The following DENND2B variants were observed in gnomAD, a reference collection of about 807,000 sequenced individuals.
DENND2B encodes DENN domain containing 2B.
A neutral mutation model predicts 116.0 loss-of-function variants in DENND2B; 32 were observed. That is an observed-to-expected ratio of 0.28 (90% CI 0.21 to 0.37). The LOEUF (loss-of-function observed/expected upper bound fraction) is 0.37, where lower values mean the gene tolerates loss of function less well. Among genes scored for constraint, DENND2B ranks in the 10% least tolerant of loss-of-function variants. The pLI, the probability that DENND2B is intolerant of heterozygous loss-of-function variation, is 1.00. For missense variants in DENND2B, 1,276 were observed against 1,477.7 expected (o/e 0.86, Z 2.24); for synonymous variants, 588 against 583.9 (o/e 1.01, Z -0.10).
chr11:8,861,186 T>G (rs2063378468), intron 2 of DENND2B, among the ~76,000 whole-genome samples: 1 of 151,938 alleles, frequency 6.6e-6, no homozygotes, highest in African/African-American at 2.4e-5. Flanking sequence ...AATAAATAAA[T>G]GGGAACTAAT....
Position 8,906,007 on chromosome 11 carries a change from A to G in DENND2B, c.-256+4814T>C, listed in dbSNP as rs111665214. ...ACAGCAAGCAGAAGACTGGTCACCTAGGACCAGAGGCAGGAGCTGAGAACT... is the reference window on the plus strand; with the variant it reads ...ACAGCAAGCAGAAGACTGGTCACCTGGGACCAGAGGCAGGAGCTGAGAACT... On this transcript the variant is annotated intron_variant, in intron 1 of 22. Transcript: ENST00000534127. Among the ~76,000 whole-genome samples the G allele has an allele frequency of 7.4e-4, 112 of 151,544 alleles. 1 individual carries two copies. Among genetic ancestry groups the G allele is most frequent in the African/African-American group, 2.6e-3 (108 of 41,306 alleles).
chr11:8,901,618 A>G (rs2064172716), intron 1 of DENND2B, among the ~76,000 whole-genome samples: 1 of 152,038 alleles, frequency 6.6e-6, no homozygotes, highest in South Asian at 2.1e-4. Flanking sequence ...CTTCCCTCTA[A>G]TCACAGTTTT....
Position 8,702,434 on chromosome 11 carries a change from T to A in DENND2B, c.2720+138A>T. The A allele has an allele frequency of 7.9e-7, 1 of 1,261,644 alleles. No homozygotes were observed. Among genetic ancestry groups the A allele is most frequent in the Non-Finnish European group, 1.1e-6 (1 of 918,546 alleles). 78.2% of individuals were successfully genotyped at this position (1,261,644 alleles called of 1,614,324 possible). On this transcript the variant is annotated intron_variant, in intron 14 of 19. Transcript: ENST00000313726. This position sits in a 1 kb window ranked among gnomAD's most constrained non-coding sequence, Gnocchi z 4.6. ...CACACAGGGGTGCTACCTTTCCACCTAGTCTTCCATCTCCCTACGCACAGC... is the reference window on the plus strand; with the variant it reads ...CACACAGGGGTGCTACCTTTCCACCAAGTCTTCCATCTCCCTACGCACAGC...
At chr11:8,721,247 GCTCCCACTCCTCCCCACAAC>G (rs1236610282) in intron 4 of DENND2B, among the ~76,000 whole-genome samples, 3 of 151,554 alleles carry the variant, frequency 2.0e-5, no homozygotes, top group Non-Finnish European at 4.4e-5. Flanking sequence ...TCTGGGCCCT[GCTCCCACTCCTCCCCACAAC>G]CTCCCACTCC....
At chr11:8,862,403 C>T (rs1270666540) in intron 2 of DENND2B, among the ~76,000 whole-genome samples, 1 of 142,876 alleles carries the variant, frequency 7.0e-6, no homozygotes, top group African/African-American at 2.6e-5. Flanking sequence ...AGTCTCGACT[C>T]ACTGCAATCT....
intron 13 of DENND2B, among the ~76,000 whole-genome samples, chr11:8,706,017 G>A (rs968140554): frequency 6.6e-6 from 1 of 152,218 alleles, no homozygotes; most frequent in African/African-American, 2.4e-5. Context: ...GGGGGAGGTG[G>A]GAGGATTGCT....
At chr11:8,719,896 C>A (rs1242906799) in intron 4 of DENND2B, among the ~76,000 whole-genome samples, 1 of 152,196 alleles carries the variant, frequency 6.6e-6, no homozygotes, top group Non-Finnish European at 1.5e-5. Context: ...CTATAGGAAG[C>A]CTTGTCCCAA....
At chr11:8,779,721 T>G (rs2058175777) in intron 1 of DENND2B, among the ~76,000 whole-genome samples, 3 of 151,914 alleles carry the variant, frequency 2.0e-5, no homozygotes, top group African/African-American at 7.3e-5. Flanking sequence ...TCCATGTTGG[T>G]CAGGCTGGTC....
At chr11:8,760,368 AG>A (rs1248504570) in intron 1 of DENND2B, among the ~76,000 whole-genome samples, 10 of 152,330 alleles carry the variant, frequency 6.6e-5, no homozygotes, top group Admixed American at 3.9e-4. Flanking sequence ...CTGTAATCCC[AG>A]CACTTTGGGA....
At chr11:8,798,427 T>A (rs1199086146) in intron 1 of DENND2B, among the ~76,000 whole-genome samples, 1 of 152,192 alleles carries the variant, frequency 6.6e-6, no homozygotes, top group Non-Finnish European at 1.5e-5. Flanking sequence ...GAGGATTAAC[T>A]TTTGGGGAAC....
At chr11:8,890,236 A>G (rs2064014277) in intron 1 of DENND2B, among the ~76,000 whole-genome samples, 1 of 152,250 alleles carries the variant, frequency 6.6e-6, no homozygotes, top group African/African-American at 2.4e-5. Flanking sequence ...CCAAAACCCC[A>G]TATGTACGTC....
At chr11:8,771,040 C>T in intron 1 of DENND2B, among the ~76,000 whole-genome samples, 1 of 152,306 alleles carries the variant, frequency 6.6e-6, no homozygotes, top group East Asian at 1.9e-4. Flanking sequence ...ATTCTTCATT[C>T]ATTTAGTTTC....
At chr11:8,900,599 A>C (rs990334697) in intron 1 of DENND2B, among the ~76,000 whole-genome samples, 3 of 137,046 alleles carry the variant, frequency 2.2e-5, no homozygotes, top group African/African-American at 7.8e-5. Context: ...ACCCTGTCTC[A>C]AAAAAAAAAA....
At chr11:8,701,359 GA>G (rs778495968) in intron 14 of DENND2B, among the ~76,000 whole-genome samples, 1,351 of 11,676 alleles carry the variant, frequency 0.12, 3 homozygotes, top group Non-Finnish European at 0.15. Flanking sequence ...GGGGGGGGGG[GA>G]GGGGCTACAT....
intron 4 of DENND2B, chr11:8,719,138 G>A (rs2045674817): frequency 1.1e-5 from 11 of 985,558 alleles, no homozygotes; most frequent in Non-Finnish European, 1.2e-5. Flanking sequence ...CAGGAAGCAG[G>A]CAGAAGAAGG....
chr11:8,694,333 C>G (rs1406762400), intron 19 of DENND2B, among the ~76,000 whole-genome samples: 1 of 152,164 alleles, frequency 6.6e-6, no homozygotes, highest in African/African-American at 2.4e-5. Flanking sequence ...TGGTTTTACG[C>G]AAGCCACTTA....
chr11:8,900,844 C>T (rs1419768864), intron 1 of DENND2B, among the ~76,000 whole-genome samples: 3 of 152,012 alleles, frequency 2.0e-5, no homozygotes, highest in African/African-American at 7.2e-5. Flanking sequence ...TGGTGGGCAC[C>T]TGTAACCCCA....
intron 2 of DENND2B, among the ~76,000 whole-genome samples, chr11:8,860,451 A>G (rs2063352926): frequency 6.6e-6 from 1 of 152,160 alleles, no homozygotes. Context: ...AATACCTTCA[A>G]AAACAAATAA....
intron 1 of DENND2B, among the ~76,000 whole-genome samples, chr11:8,797,023 C>T (rs774587537): frequency 2.6e-4 from 40 of 152,168 alleles, no homozygotes; most frequent in Non-Finnish European, 4.6e-4. Context: ...AAGGAAAAAA[C>T]TCATTAGATG....
Sources: gnomAD v4.1 joint callset for allele counts (sites outside exome capture counted in the v4.1 genomes callset) on GRCh38, gnomAD v4.1.1 for gene constraint, Gnocchi (gnomAD v3.1) non-coding constraint, MANE v1.5 for transcripts, NCBI Gene and HGNC (gene_info 2026-07-23, HGNC 2026-07-21) for gene names.